The following RORA variants were observed in gnomAD, a reference collection of about 807,000 sequenced individuals.
RORA encodes the protein RAR related orphan receptor A.
In RORA, 7 loss-of-function variants were observed where a neutral mutation model predicts 69.5. The ratio of observed to expected loss-of-function variants is 0.10; its 90% CI spans 0.06 to 0.19. The LOEUF is 0.19. Among genes scored for constraint, RORA ranks in the 10% least tolerant of loss-of-function variants. RORA has a pLI of 1.00. For missense variants in RORA, 457 were observed against 663.0 expected (o/e 0.69, Z 3.41); for synonymous variants, 261 against 240.8 (o/e 1.08, Z -0.78).
intron 1 of RORA, among the ~76,000 whole-genome samples, chr15:60,926,835 C>T (rs972153280): frequency 1.3e-5 from 2 of 152,144 alleles, no homozygotes; most frequent in Admixed American, 6.5e-5. Context: ...ATAAAACTGT[C>T]TATATGATGT....
chr15:61,195,432 C>T (rs2079838332), intron 1 of RORA, among the ~76,000 whole-genome samples: 1 of 151,814 alleles, frequency 6.6e-6, no homozygotes, highest in Admixed American at 6.6e-5. Flanking sequence ...ATTTCCTTAA[C>T]CTGGCATTCA....
At chr15:60,683,791 C>T (rs1390708308) in intron 1 of RORA, among the ~76,000 whole-genome samples, 1 of 152,100 alleles carries the variant, frequency 6.6e-6, no homozygotes, top group Middle Eastern at 3.2e-3. Flanking sequence ...CTAAAAGGCC[C>T]CAAAATATTC....
chr15:60,508,140 G>A (rs921121294), intron 5 of RORA, among the ~76,000 whole-genome samples: 2 of 152,178 alleles, frequency 1.3e-5, no homozygotes, highest in African/African-American at 4.8e-5. Flanking sequence ...TAAAATTCGA[G>A]AATTTAAGCG....
rs543933035 is a variant in RORA at position 60,925,331 on chromosome 15, C to A, written c.167-246645G>T. ...ATCTATCTTCTCTAAATGGGATTGG[C>A]TTCGAAGAGAATATTTGAAATGTCC... is the stretch of plus-strand genomic sequence containing the variant. On this transcript the variant is annotated intron_variant, in intron 1 of 10. Transcript: ENST00000335670. Among the ~76,000 whole-genome samples the A allele has an allele frequency of 3.3e-5, 5 of 152,230 alleles. 1 individual carries two copies. Among genetic ancestry groups the A allele is most frequent in the African/African-American group, 1.2e-4 (5 of 41,530 alleles).
chr15:60,869,835 G>T (rs1009006043), intron 1 of RORA, among the ~76,000 whole-genome samples: 4 of 152,166 alleles, frequency 2.6e-5, no homozygotes, highest in African/African-American at 9.7e-5. Context: ...TCCTCCTCTT[G>T]TTCCCTCTGG....
At chr15:60,837,443 G>A (rs2073132604) in intron 1 of RORA, among the ~76,000 whole-genome samples, 1 of 152,208 alleles carries the variant, frequency 6.6e-6, no homozygotes, top group Admixed American at 6.5e-5. Context: ...ATCAATCAAT[G>A]CGCACGCAGC....
At chr15:60,982,717 CT>C (rs1314624436) in intron 1 of RORA, among the ~76,000 whole-genome samples, 1 of 152,104 alleles carries the variant, frequency 6.6e-6, no homozygotes, top group Non-Finnish European at 1.5e-5. Context: ...CACAGTTTTG[CT>C]TTTTTCATTA....
intron 1 of RORA, among the ~76,000 whole-genome samples, chr15:61,145,317 A>G (rs2079336585): frequency 6.6e-6 from 1 of 152,182 alleles, no homozygotes. Flanking sequence ...TGTAATCCCA[A>G]CAATCCTGCA....
intron 1 of RORA, among the ~76,000 whole-genome samples, chr15:61,064,643 GA>G (rs973251315): frequency 2.0e-5 from 3 of 151,906 alleles, no homozygotes; most frequent in Non-Finnish European, 4.4e-5. Flanking sequence ...TCCACAACAT[GA>G]AAAAAAACTC....
chr15:60,552,170 T>C (rs1172206556), intron 2 of RORA, among the ~76,000 whole-genome samples: 1 of 152,216 alleles, frequency 6.6e-6, no homozygotes, highest in Non-Finnish European at 1.5e-5. Context: ...GGGAAAATGA[T>C]AGTGGTGTCA....
At chr15:61,146,854 A>G (rs1025264119) in intron 1 of RORA, among the ~76,000 whole-genome samples, 1 of 152,178 alleles carries the variant, frequency 6.6e-6, no homozygotes, top group Non-Finnish European at 1.5e-5. Flanking sequence ...TAGACACCCA[A>G]GCGGGCAGAC....
At chr15:61,212,225 T>C (rs1398813139) in intron 1 of RORA, among the ~76,000 whole-genome samples, 1 of 148,732 alleles carries the variant, frequency 6.7e-6, no homozygotes, top group Non-Finnish European at 1.5e-5. Flanking sequence ...CTCAATGCTG[T>C]CTGTGTAGAA....
intron 1 of RORA, among the ~76,000 whole-genome samples, chr15:60,746,374 GT>G (rs770416685): frequency 6.6e-6 from 1 of 152,066 alleles, no homozygotes; most frequent in Non-Finnish European, 1.5e-5. Context: ...TGCTGAACAT[GT>G]CAGGTATGCC....
intron 1 of RORA, among the ~76,000 whole-genome samples, chr15:60,891,884 C>A (rs578093031): frequency 9.9e-5 from 15 of 152,194 alleles, no homozygotes; most frequent in Non-Finnish European, 2.1e-4. Flanking sequence ...CTCCTGGATG[C>A]CTTCGTGGCT....
chr15:61,227,198 TCCC>T (rs1008578502), intron 1 of RORA, among the ~76,000 whole-genome samples: 1 of 67,076 alleles, frequency 1.5e-5, no homozygotes, highest in African/African-American at 4.7e-5. Context: ...AAATACTATG[TCCC>T]CCCCATTCCA....
chr15:60,706,473 G>A (rs1445719808), intron 1 of RORA: 2 of 152,178 alleles, frequency 1.3e-5, no homozygotes, highest in Non-Finnish European at 2.9e-5. Flanking sequence ...GGTAAGAAAG[G>A]GGCAGGGGAT....
intron 1 of RORA, among the ~76,000 whole-genome samples, chr15:61,074,126 A>G (rs1205506892): frequency 1.3e-5 from 2 of 152,170 alleles, no homozygotes; most frequent in African/African-American, 4.8e-5. Flanking sequence ...AGAGCAAAAA[A>G]GCTCCTCCAG....
At chr15:60,867,614 T>C (rs2073505024) in intron 1 of RORA, among the ~76,000 whole-genome samples, 1 of 152,186 alleles carries the variant, frequency 6.6e-6, no homozygotes. Flanking sequence ...GTTCTGCTCT[T>C]GGGTTCTAAC....
At chr15:60,742,634 T>TC (rs2071589403) in intron 1 of RORA, among the ~76,000 whole-genome samples, 1 of 152,174 alleles carries the variant, frequency 6.6e-6, no homozygotes, top group Non-Finnish European at 1.5e-5. Context: ...GTCTCCTTGA[T>TC]CCCCCCAAGC....
Sources: gnomAD v4.1 joint callset for allele counts (sites outside exome capture counted in the v4.1 genomes callset) on GRCh38, gnomAD v4.1.1 for gene constraint, MANE v1.5 for transcripts, NCBI Gene and HGNC (gene_info 2026-07-23, HGNC 2026-07-21) for gene names.